The following AFG1L variants were observed in gnomAD, a reference collection of about 807,000 sequenced individuals.
AFG1L encodes AFG1-like ATPase.
In AFG1L, 53 loss-of-function variants were observed where a neutral mutation model predicts 62.2. The observed-to-expected ratio is 0.85, with a 90% confidence interval of 0.68 to 1.07. The LOEUF (loss-of-function observed/expected upper bound fraction) is 1.07. Among genes scored for constraint, AFG1L ranks in the 50% least tolerant of loss-of-function variants. AFG1L has a pLI of 0.00. For missense variants in AFG1L, 555 were observed against 590.5 expected (o/e 0.94, Z 0.62); for synonymous variants, 228 against 210.3 (o/e 1.08, Z -0.73).
chr6:108,419,823 A>G (rs985893595), intron 7 of AFG1L, among the ~76,000 whole-genome samples: 1 of 152,174 alleles, frequency 6.6e-6, no homozygotes, highest in South Asian at 2.1e-4. Flanking sequence ...TTTTCCTGAT[A>G]GTAAACTAGA....
chr6:108,331,410 T>C (rs988967569), intron 2 of AFG1L, among the ~76,000 whole-genome samples: 9 of 152,200 alleles, frequency 5.9e-5, no homozygotes, highest in African/African-American at 1.2e-4. Flanking sequence ...TAAAATAAAG[T>C]ATACCTTCTT....
At chr6:108,334,684 T>G (rs556315389) in intron 2 of AFG1L, among the ~76,000 whole-genome samples, 5 of 152,184 alleles carry the variant, frequency 3.3e-5, no homozygotes, top group African/African-American at 1.2e-4. Context: ...TGAATACTTA[T>G]AAATCTGATC....
chr6:108,487,877 A>T (rs79357716), intron 10 of AFG1L, among the ~76,000 whole-genome samples: 3,699 of 152,308 alleles, frequency 0.024, 144 homozygotes, highest in African/African-American at 0.084. Context: ...AGATTCTACC[A>T]TCAAAATCAG....
At chr6:108,477,114 A>G (rs1773135548) in intron 9 of AFG1L, 78 bp from the exon 10 acceptor site, 2 of 1,041,848 alleles carry the variant, frequency 1.9e-6, no homozygotes, top group Middle Eastern at 2.1e-4. Flanking sequence ...TCATCAAGCT[A>G]TGCATTTCCT....
At chr6:108,369,841 C>G (rs1371703153) in intron 6 of AFG1L, among the ~76,000 whole-genome samples, 1 of 152,080 alleles carries the variant, frequency 6.6e-6, no homozygotes, top group Non-Finnish European at 1.5e-5. Context: ...AACTCCTGAC[C>G]TCAGGTGATA....
intron 6 of AFG1L, among the ~76,000 whole-genome samples, chr6:108,383,145 AT>A (rs935168108): frequency 2.0e-5 from 3 of 152,194 alleles, no homozygotes; most frequent in Non-Finnish European, 4.4e-5. Flanking sequence ...AAGCATGAGA[AT>A]TGTTTGAACC....
chr6:108,456,094 T>C (rs1772242354), intron 8 of AFG1L, among the ~76,000 whole-genome samples: 1 of 152,160 alleles, frequency 6.6e-6, no homozygotes, highest in South Asian at 2.1e-4. Context: ...CTGGTTTTGC[T>C]TCATGTATTT....
intron 10 of AFG1L, among the ~76,000 whole-genome samples, chr6:108,481,215 G>A (rs199600810): frequency 2.6e-5 from 4 of 152,156 alleles, no homozygotes; most frequent in Non-Finnish European, 2.9e-5. Flanking sequence ...GTTCCCTGCC[G>A]TTCCCTCCAT....
At chr6:108,435,327 A>G (rs1041492232) in intron 7 of AFG1L, among the ~76,000 whole-genome samples, 6 of 152,188 alleles carry the variant, frequency 3.9e-5, no homozygotes, top group African/African-American at 1.4e-4. Flanking sequence ...CACTGGGTGT[A>G]TCTGACAAGA....
rs185874279 is a variant in AFG1L at position 108,418,181 on chromosome 6, A to G, written c.807+16127A>G. 5.4e-4 allele frequency among the ~76,000 whole-genome samples: 83 copies of G among 152,350 alleles called. 2 individuals carry two copies. Among genetic ancestry groups the G allele is most frequent in the South Asian group, 5.0e-3 (24 of 4,832 alleles). ...GGCATTCATTTTACCCTCTGCACTG[A>G]AAGTATTTTAAAGTAGCCTGTGATA... is the stretch of plus-strand genomic sequence containing the variant. On this transcript the variant is annotated intron_variant, in intron 7 of 12. Transcript: ENST00000368977.
chr6:108,459,341 T>C (rs1487839228), intron 8 of AFG1L, among the ~76,000 whole-genome samples: 1 of 152,204 alleles, frequency 6.6e-6, no homozygotes, highest in Non-Finnish European at 1.5e-5. Context: ...GTGTCCCTAT[T>C]CCTGAAGTCT....
intron 6 of AFG1L, among the ~76,000 whole-genome samples, chr6:108,394,508 A>G (rs1343356302): frequency 6.6e-6 from 1 of 152,066 alleles, no homozygotes; most frequent in Non-Finnish European, 1.5e-5. Flanking sequence ...GCAGCTACTG[A>G]TTAGCTTTCT....
intron 6 of AFG1L, among the ~76,000 whole-genome samples, chr6:108,366,655 A>C (rs1284870518): frequency 1.3e-5 from 2 of 151,992 alleles, no homozygotes; most frequent in African/African-American, 4.8e-5. Flanking sequence ...GGCCCATAAA[A>C]GAAACTCAAC....
chr6:108,344,811 T>A (rs1253114081), intron 2 of AFG1L: 2 of 470,622 alleles, frequency 4.2e-6, no homozygotes, highest in Non-Finnish European at 8.8e-6. Context: ...AGGTTACTCG[T>A]CTAAGTGTAA....
At chr6:108,419,436 GAA>G (rs1770488708) in intron 7 of AFG1L, among the ~76,000 whole-genome samples, 1 of 152,076 alleles carries the variant, frequency 6.6e-6, no homozygotes. Flanking sequence ...TTCTACAATA[GAA>G]TTTTCTCTTG....
chr6:108,306,426 C>T (rs1451396173), intron 1 of AFG1L, among the ~76,000 whole-genome samples: 1 of 152,146 alleles, frequency 6.6e-6, no homozygotes, highest in Non-Finnish European at 1.5e-5. Context: ...TCCTCAGGTG[C>T]GGTATAAAAC....
chr6:108,380,466 C>T (rs1020452539), intron 6 of AFG1L, among the ~76,000 whole-genome samples: 23 of 152,154 alleles, frequency 1.5e-4, no homozygotes, highest in Admixed American at 3.9e-4. Context: ...CTGCAAGTCT[C>T]GCCACCCAGG....
At chr6:108,430,907 A>G (rs1214993917) in intron 7 of AFG1L, among the ~76,000 whole-genome samples, 2 of 152,182 alleles carry the variant, frequency 1.3e-5, no homozygotes, top group African/African-American at 4.8e-5. Context: ...TTTTTGTTTC[A>G]TTTTCCACTC....
chr6:108,389,784 G>A (rs973519810), intron 6 of AFG1L, among the ~76,000 whole-genome samples: 2 of 152,130 alleles, frequency 1.3e-5, no homozygotes, highest in South Asian at 4.2e-4. Flanking sequence ...TGGGTAACCC[G>A]ACCTTTCTCT....
Sources: allele counts gnomAD v4.1 joint callset (sites outside exome capture counted in the v4.1 genomes callset), GRCh38; gene constraint gnomAD v4.1.1; transcripts MANE v1.5; gene names NCBI Gene and HGNC (gene_info 2026-07-23, HGNC 2026-07-21).